Variants in MLXIPL observed in about 807,000 individuals in gnomAD.
MLXIPL encodes MLX interacting protein like, also known as carbohydrate-responsive element-binding protein.
A neutral mutation model predicts 81.5 loss-of-function variants in MLXIPL; 49 were observed. That is an observed-to-expected ratio of 0.60 (90% CI 0.48 to 0.76). The LOEUF (loss-of-function observed/expected upper bound fraction) is 0.76, where lower values mean the gene tolerates loss of function less well. Ranked by LOEUF, MLXIPL falls within the 30% of genes least tolerant of loss-of-function variation. MLXIPL has a pLI of 0.00. For missense variants in MLXIPL, 1,053 were observed against 1,167.0 expected (o/e 0.90, Z 1.42); for synonymous variants, 466 against 485.5 (o/e 0.96, Z 0.53).
intron 1 of MLXIPL, among the ~76,000 whole-genome samples, chr7:73,620,559 T>G (rs1584150622): frequency 7.6e-5 from 9 of 117,834 alleles, no homozygotes; most frequent in African/African-American, 2.3e-4. Flanking sequence ...GCCAACATGG[T>G]GAAACTCCAC....
the MLXIPL span, among the ~76,000 whole-genome samples, chr7:73,629,981 TATTTATTTA>T: frequency 6.9e-6 from 1 of 144,278 alleles, no homozygotes; most frequent in African/African-American, 2.6e-5. Flanking sequence ...TATTTTTATT[TATTTATTTA>T]TTTATTTATT....
Position 73,620,879 on chromosome 7 carries a change from C to T in MLXIPL, c.293+3321G>A, listed in dbSNP as rs1458068011. Reference sequence around the variant, plus strand: ...CAGCCTGGCCAACATGGTGAAACCTCGTCTCTACTGAAAATTAAAAATTAG... The same window carrying T: ...CAGCCTGGCCAACATGGTGAAACCTTGTCTCTACTGAAAATTAAAAATTAG... On this transcript the variant is annotated intron_variant, in intron 1 of 16. Coordinates refer to ENST00000313375, the MANE Select transcript of MLXIPL (RefSeq NM_032951.3). Among the ~76,000 whole-genome samples the T allele has an allele frequency of 3.3e-5, 5 of 152,000 alleles. No individual in the cohort carries two copies. The South Asian group carries it at 1.0e-3, about 32-fold the overall frequency.
In MLXIPL at chr7:73,597,596, G is replaced by T; in HGVS notation, c.1189C>A (p.His397Asn). ...PPPPVPPPLL[H>N]YPPPAKVPGL... ...GGCACCTTGGCAGGGGGAGGGTAAT[G>T]CAGCAGAGGTGGGGGTACAGGAGGG... Residue 397 changes from histidine (H) to asparagine (N), a missense_variant, in exon 9 of 17, where the codon CAT becomes AAT. His to Asn is a moderately conservative substitution (Grantham distance 68). Around this residue, in one of 3 missense-constraint regions of MLXIPL, gnomAD observed 823 missense variants for 933.0 expected, o/e 0.88. Transcript: ENST00000313375. The T allele has an allele frequency of 1.1e-6, 1 of 925,844 alleles. No homozygotes were observed. The highest frequency in any genetic ancestry group is 1.3e-6 in the Non-Finnish European group (1 of 746,846). The allele number at this position is 925,844 out of a possible 1,614,324, so 57.4% of individuals were successfully genotyped here.
chr7:73,631,094 C>T, the MLXIPL span, among the ~76,000 whole-genome samples: 4 of 151,822 alleles, frequency 2.6e-5, no homozygotes, highest in Admixed American at 6.6e-5. Flanking sequence ...CTGCAAGCTC[C>T]ATCTCCTGGG....
chr7:73,607,263 C>T (rs190985591), intron 4 of MLXIPL, 68 bp downstream of exon 4: 668 of 1,475,584 alleles, frequency 4.5e-4, no homozygotes, highest in Non-Finnish European at 6.1e-4. Context: ...AGGGATCTTC[C>T]GAGGCGGGCG....
chr7:73,607,277 G>A (rs782514300), intron 4 of MLXIPL, 54 bp downstream of exon 4: 1 of 1,510,514 alleles, frequency 6.6e-7, no homozygotes, highest in South Asian at 1.2e-5. Context: ...GCGGGCGGTA[G>A]CCGGCAGCCG....
Position 73,593,707 on chromosome 7 carries a change from G to T in MLXIPL, c.*158C>A, listed in dbSNP as rs1330152067. ...ACTCTGCTCTTCTTGACCTCCAGGA[G>T]GTGGCAAGTGTGAAACCTGGACCCT... On this transcript the variant is annotated 3_prime_UTR_variant, in exon 17 of 17. Coordinates refer to ENST00000313375, the MANE Select transcript of MLXIPL (RefSeq NM_032951.3). The T allele has an allele frequency of 2.9e-6, 2 of 688,990 alleles. No homozygotes were observed. The highest frequency in any genetic ancestry group is 4.3e-5 in the Admixed American group (2 of 46,936). 42.7% of individuals were successfully genotyped at this position (688,990 alleles called of 1,614,324 possible). A position where few individuals can be genotyped will look rare whatever the true frequency, so the allele number is the denominator to read the frequency against.
At chr7:73,640,198 A>G in the MLXIPL span, among the ~76,000 whole-genome samples, 1 of 151,594 alleles carries the variant, frequency 6.6e-6, no homozygotes, top group South Asian at 2.1e-4. Flanking sequence ...TGAGCTCAAG[A>G]GTTCAAGACC....
intron 2 of MLXIPL, among the ~76,000 whole-genome samples, chr7:73,608,152 C>T (rs1795450757): frequency 6.6e-6 from 1 of 151,938 alleles, no homozygotes; most frequent in Non-Finnish European, 1.5e-5. Flanking sequence ...CCACCTCACC[C>T]AGCCTGATCT....
intron 1 of MLXIPL, among the ~76,000 whole-genome samples, chr7:73,618,052 C>T (rs1796104273): frequency 6.6e-6 from 1 of 152,172 alleles, no homozygotes; most frequent in Admixed American, 6.6e-5. Context: ...CTTTTGCATC[C>T]CTTACTCAGA....
chr7:73,607,433 C>T lies in MLXIPL; in HGVS notation c.484-13G>A, dbSNP rs1554598624. 3 of 1,551,730 alleles carry T rather than the reference C, an allele frequency of 1.9e-6. No individual in the cohort carries two copies. Among genetic ancestry groups the T allele is most frequent in the Non-Finnish European group, 2.6e-6 (3 of 1,146,584 alleles). Reference sequence around the variant, plus strand: ...CCAGGACCACGGCCTGGGGTAGGGGCCGGGGGAGGGGGATCAGTAGAGAGG... The same window carrying T: ...CCAGGACCACGGCCTGGGGTAGGGGTCGGGGGAGGGGGATCAGTAGAGAGG... On this transcript the variant is annotated splice_polypyrimidine_tract_variant and intron_variant, in intron 3 of 16. Coordinates refer to ENST00000313375, the MANE Select transcript of MLXIPL (RefSeq NM_032951.3).
At position 73,618,993 on chromosome 7, in the gene MLXIPL, A is replaced by T. The variant is rs72649050; in HGVS notation, c.294-2816T>A. Among the ~76,000 whole-genome samples, 175 of 152,202 alleles carry T rather than the reference A, an allele frequency of 1.1e-3. 1 individual carries two copies. The highest frequency in any genetic ancestry group is 2.6e-4 in the Non-Finnish European group (18 of 68,006). ...AGGATTTGGGGCTGTGAGAGAAGAG[A>T]CTCAGCCTGGAGGAAGAGCGTAACG... is the stretch of plus-strand genomic sequence containing the variant. On this transcript the variant is annotated intron_variant, in intron 1 of 16. Transcript: ENST00000313375.
the MLXIPL span, among the ~76,000 whole-genome samples, chr7:73,643,297 G>A: frequency 5.9e-5 from 9 of 152,174 alleles, no homozygotes; most frequent in African/African-American, 1.4e-4. Context: ...GGCGGATCAC[G>A]AGGTCAGGAG....
the MLXIPL span, among the ~76,000 whole-genome samples, chr7:73,629,846 G>A: frequency 6.6e-6 from 1 of 152,176 alleles, no homozygotes; most frequent in Non-Finnish European, 1.5e-5. Context: ...CTGAGACTCT[G>A]AGAGGTGAAA....
intron 7 of MLXIPL, among the ~76,000 whole-genome samples, chr7:73,603,761 A>G (rs1223768492): frequency 6.6e-6 from 1 of 152,226 alleles, no homozygotes; most frequent in African/African-American, 2.4e-5. Flanking sequence ...CAAGACCTAC[A>G]GCGAAGTGAG....
At chr7:73,629,339 C>T (rs963500726), upstream of MLXIPL, among the ~76,000 whole-genome samples, 4 of 152,136 alleles carry the variant, frequency 2.6e-5, no homozygotes, top group African/African-American at 7.2e-5. Flanking sequence ...CGTGCCTGGC[C>T]GCACCACCCT....
the MLXIPL span, among the ~76,000 whole-genome samples, chr7:73,633,476 G>A: frequency 2.0e-5 from 3 of 151,388 alleles, no homozygotes; most frequent in East Asian, 2.0e-4. Context: ...GTGTGCCAAC[G>A]TGCCTGGCTA....
At chr7:73,600,837 G>A (rs1554596000) in intron 7 of MLXIPL, among the ~76,000 whole-genome samples, 3 of 151,926 alleles carry the variant, frequency 2.0e-5, no homozygotes, top group South Asian at 2.1e-4. Context: ...TGCGGGTTGT[G>A]TAAGTCCTGG....
At chr7:73,603,500 C>A (rs990171717) in intron 7 of MLXIPL, among the ~76,000 whole-genome samples, 2 of 152,198 alleles carry the variant, frequency 1.3e-5, no homozygotes, top group Admixed American at 6.5e-5. Flanking sequence ...CCCCCACCCC[C>A]TCCCGGGACT....
Sources: allele counts gnomAD v4.1 joint callset (sites outside exome capture counted in the v4.1 genomes callset), GRCh38; gene constraint gnomAD v4.1.1; regional missense constraint gnomAD v4.1.1; transcripts MANE v1.5; gene names NCBI Gene and HGNC (gene_info 2026-07-23, HGNC 2026-07-21).